The following CFAP36 variants were observed in gnomAD, a reference collection of about 807,000 sequenced individuals.
The protein encoded by CFAP36 is cilia- and flagella-associated protein 36.
In CFAP36, 37 loss-of-function variants were observed where a neutral mutation model predicts 50.5. That is an observed-to-expected ratio of 0.73 (90% CI 0.56 to 0.96). The LOEUF is 0.96. Among genes scored for constraint, CFAP36 ranks in the 50% least tolerant of loss-of-function variants. The probability of loss-of-function intolerance (pLI) is 0.00; values close to 1 mark genes in which losing one functional copy is unlikely to be tolerated. For synonymous variants in CFAP36, 138 were observed against 128.2 expected (o/e 1.08, Z -0.52); for missense variants, 407 against 396.2 (o/e 1.03, Z -0.23).
intron 4 of CFAP36, among the ~76,000 whole-genome samples, 179 bp from the exon 5 acceptor site, chr2:55,533,694 C>CAAA (rs67734632): frequency 7.1e-6 from 1 of 140,014 alleles, no homozygotes; most frequent in Non-Finnish European, 1.6e-5. Flanking sequence ...GACTCTGTCT[C>CAAA]AAAAAAAAAA....
At chr2:55,539,020 A>G (rs543031609) in intron 7 of CFAP36, 2 of 1,017,388 alleles carry the variant, frequency 2.0e-6, no homozygotes, top group Admixed American at 3.7e-5. Flanking sequence ...GATTTCCCCC[A>G]TATAGTCCCT....
intron 4 of CFAP36, among the ~76,000 whole-genome samples, chr2:55,531,561 A>G (rs1307694452): frequency 6.6e-6 from 1 of 152,198 alleles, no homozygotes; most frequent in Non-Finnish European, 1.5e-5. Flanking sequence ...GGACCCCGAC[A>G]CTTTGCATCT....
intron 6 of CFAP36, among the ~76,000 whole-genome samples, chr2:55,537,279 G>A (rs1029733320): frequency 1.3e-5 from 2 of 152,060 alleles, no homozygotes; most frequent in African/African-American, 4.8e-5. Context: ...GCTCAGGCAT[G>A]AGAATCATTT....
chr2:55,543,699 A>G (rs369787084), intron 7 of CFAP36, among the ~76,000 whole-genome samples: 14 of 152,294 alleles, frequency 9.2e-5, no homozygotes, highest in African/African-American at 3.1e-4. Flanking sequence ...CAGCAGAAGC[A>G]TGGTACTTGT....
intron 4 of CFAP36, 96 bp downstream of exon 4, chr2:55,529,088 C>A: frequency 1.2e-6 from 1 of 830,656 alleles, no homozygotes. Flanking sequence ...GTCTCATGTA[C>A]ATTTATTTCA....
At chr2:55,543,076 T>TA (rs76432261) in intron 7 of CFAP36, among the ~76,000 whole-genome samples, 1 of 151,654 alleles carries the variant, frequency 6.6e-6, no homozygotes, top group African/African-American at 2.4e-5. Context: ...TTTTTTTTTT[T>TA]AACTGGCAGG....
Position 55,544,386 on chromosome 2 carries a change from TATGTC to T in CFAP36, c.927+19_927+23del. 3 of 1,584,692 alleles carry T rather than the reference TATGTC, an allele frequency of 1.9e-6. No individual in the cohort carries two copies. The highest frequency in any genetic ancestry group is 2.6e-6 in the Non-Finnish European group (3 of 1,170,538). ...GAGGTAGAGGTATGGCTAGCCTTAA[TATGTC>T]AAGATTTACAAATCTGGTGGTGGAA... On this transcript the variant is annotated intron_variant, in intron 9 of 9. Coordinates refer to ENST00000349456, the MANE Select transcript of CFAP36 (RefSeq NM_080667.7).
intron 4 of CFAP36, among the ~76,000 whole-genome samples, 165 bp from the exon 5 acceptor site, chr2:55,533,708 A>T (rs9808405): frequency 0.68 from 93,664 of 138,666 alleles, 32,047 homozygotes; most frequent in African/African-American, 0.78. Flanking sequence ...AAAAAAAAAA[A>T]ATATATATAT....
At position 55,537,479 on chromosome 2, in the gene CFAP36, GAA is replaced by G; in HGVS notation, c.538-3_538-2del. The G allele has an allele frequency of 6.3e-7, 1 of 1,594,796 alleles. No individual in the cohort carries two copies. The highest frequency in any genetic ancestry group is 2.2e-5 in the East Asian group (1 of 44,588). On this transcript the variant is annotated splice_acceptor_variant and splice_polypyrimidine_tract_variant and intron_variant, in intron 6 of 9. Transcript: ENST00000349456. LOFTEE classifies it high-confidence loss of function. ...TTAAAAAATTGTATTATGGAATCCT[GAA>G]GTTATCAGAGGCTAAAACAGAAGAG...
At chr2:55,522,397 T>C (rs1222498528) in intron 2 of CFAP36, among the ~76,000 whole-genome samples, 1 of 152,230 alleles carries the variant, frequency 6.6e-6, no homozygotes, top group Non-Finnish European at 1.5e-5. Flanking sequence ...TATGGGTTCT[T>C]GCATGTATTC....
In CFAP36 at chr2:55,523,789, CA is replaced by C. The variant is rs1353388902; in HGVS notation, c.250del (p.Thr84LeufsTer29). ...ATGAAGATCAATTTCAAGAAGCATG[CA>C]CTTCTCCTCTTGCAAAGACCCATAC... ...INEDQFQEACTSPLAKTHTSQ... is the reference protein window; with the variant it reads ...INEDQFQEACXSPLAKTHTSQ... On this transcript the variant is annotated frameshift_variant, in exon 3 of 10. Transcript: ENST00000349456. LOFTEE classifies it high-confidence loss of function. 3.7e-5 allele frequency: 59 copies of C among 1,609,270 alleles called. No homozygotes were observed. The highest frequency in any genetic ancestry group is 5.0e-5 in the Non-Finnish European group (59 of 1,176,994).
chr2:55,523,271 C>A (rs543490169), intron 2 of CFAP36, among the ~76,000 whole-genome samples: 1 of 148,284 alleles, frequency 6.7e-6, no homozygotes, highest in African/African-American at 2.5e-5. Flanking sequence ...AAAAATTAGT[C>A]GGGCATTGTG....
intron 7 of CFAP36, among the ~76,000 whole-genome samples, chr2:55,541,433 G>T (rs1027819535): frequency 1.3e-5 from 2 of 152,142 alleles, no homozygotes; most frequent in Admixed American, 1.3e-4. Context: ...TGCATATTTT[G>T]TTATATTTTA....
chr2:55,532,348 C>T (rs1184356421), intron 4 of CFAP36, among the ~76,000 whole-genome samples: 2 of 152,108 alleles, frequency 1.3e-5, no homozygotes, highest in Non-Finnish European at 2.9e-5. Flanking sequence ...GTCAAAGGCT[C>T]TCTGGATTCT....
chr2:55,535,906 A>G, intron 6 of CFAP36, 143 bp downstream of exon 6: 1 of 1,377,974 alleles, frequency 7.3e-7, no homozygotes, highest in African/African-American at 1.5e-5. Flanking sequence ...TAATATTAAT[A>G]TATCAATAAT....
At chr2:55,523,669 G>A (rs1684129751) in intron 2 of CFAP36, 52 bp from the exon 3 acceptor site, 8 of 1,233,608 alleles carry the variant, frequency 6.5e-6, no homozygotes, top group East Asian at 2.4e-5. Context: ...TATGCAAACT[G>A]TCATGTAGAA....
rs200890171 is a variant in CFAP36, at chr2:55,537,594, G to A, written c.640+9G>A. 5.1e-6 allele frequency: 8 copies of A among 1,565,214 alleles called. No individual in the cohort carries two copies. The African/African-American group carries it at 9.7e-5, about 19-fold the overall frequency. On this transcript the variant is annotated intron_variant, in intron 7 of 9. Coordinates refer to ENST00000349456, the MANE Select transcript of CFAP36 (RefSeq NM_080667.7). ...TGCACACCCACCCTCAGGTAAGGTT[G>A]AGGTGTACTGAACTTTCTCTAATAA...
chr2:55,543,643 C>G (rs559867879), intron 7 of CFAP36, among the ~76,000 whole-genome samples: 1 of 152,168 alleles, frequency 6.6e-6, no homozygotes, highest in South Asian at 2.1e-4. Context: ...TAGTTCTAAT[C>G]TTTAGACAAG....
At chr2:55,527,173 C>T (rs77041330) in intron 3 of CFAP36, among the ~76,000 whole-genome samples, 107 of 152,248 alleles carry the variant, frequency 7.0e-4, no homozygotes, top group African/African-American at 2.0e-3. Context: ...GAGGCAGAAA[C>T]GGAACTGCAA....
Sources: gnomAD v4.1 joint callset for allele counts (sites outside exome capture counted in the v4.1 genomes callset) on GRCh38, gnomAD v4.1.1 for gene constraint, MANE v1.5 for transcripts, NCBI Gene and HGNC (gene_info 2026-07-23, HGNC 2026-07-21) for gene names.